OR2H1: variants seen among roughly 807,000 people sequenced by gnomAD.
The protein encoded by OR2H1 is olfactory receptor 2H1.
For synonymous variants in OR2H1, 155 were observed against 155.2 expected (o/e 1.00, Z 0.01); for missense variants, 380 against 367.3 (o/e 1.03, Z -0.28).
chr6:29,458,147 C>T (rs1582657394), intron 1 of OR2H1, among the ~76,000 whole-genome samples: 1 of 152,292 alleles, frequency 6.6e-6, no homozygotes, highest in African/African-American at 2.4e-5. Context: ...AACTCTAGCT[C>T]ATGTGTCTGG....
At chr6:29,457,956 T>C (rs922022915) in intron 1 of OR2H1, among the ~76,000 whole-genome samples, 2 of 152,216 alleles carry the variant, frequency 1.3e-5, no homozygotes, top group Admixed American at 6.5e-5. Flanking sequence ...CTATAGGTTA[T>C]GGGGCACCTA....
In OR2H1 at chr6:29,462,917, A is replaced by C. The variant is rs1787499063; in HGVS notation, c.*197A>C. 1.7e-6 allele frequency: 1 copy of C among 587,414 alleles called. No homozygotes were observed. The highest frequency in any genetic ancestry group is 3.1e-6 in the Non-Finnish European group (1 of 323,902). 36.4% of individuals were successfully genotyped at this position (587,414 alleles called of 1,614,324 possible). ...GTGAGAGGAGATAGGTAGCTCCATA[A>C]GGCACACAAATTCAAATATTATCAT... On this transcript the variant is annotated 3_prime_UTR_variant, in exon 4 of 4. Transcript: ENST00000377133.
chr6:29,461,709 G>C lies in OR2H1; in HGVS notation c.-61G>C. The C allele has an allele frequency of 5.2e-6, 7 of 1,346,968 alleles. No homozygotes were observed. The highest frequency in any genetic ancestry group is 1.9e-5 in the Admixed American group (1 of 53,556). 83.4% of individuals were successfully genotyped at this position (1,346,968 alleles called of 1,614,324 possible). On this transcript the variant is annotated 5_prime_UTR_variant, in exon 4 of 4. Coordinates refer to ENST00000377133, the MANE Select transcript of OR2H1 (RefSeq NM_030883.5). ...AAACACCCAGGCTGAGTTTTGATAA[G>C]ACAGGTTGAATCACACTGGGGTGAC...
chr6:29,461,060 G>C (rs1345269490), intron 3 of OR2H1: 1 of 152,106 alleles, frequency 6.6e-6, no homozygotes, highest in Non-Finnish European at 1.5e-5. Context: ...ATGTTAAGTT[G>C]AGGTTAGGGA....
At chr6:29,461,393 A>G (rs1787227327) in intron 3 of OR2H1, 102 bp from the exon 4 acceptor site, 1 of 227,640 alleles carries the variant, frequency 4.4e-6, no homozygotes, top group African/African-American at 2.3e-5. Flanking sequence ...CAGAACTACC[A>G]CAACATTTAG....
In OR2H1 at chr6:29,461,821, C is replaced by T. The variant is rs774000008; in HGVS notation, c.52C>T (p.His18Tyr). ...CTTCCTCCTTCTGGGCTTCTCTGAA[C>T]ACCCAGCACTGGAAAGGACTCTCTT... ...MGFLLLGFSE[H>Y]PALERTLFVV... is the part of the protein sequence containing the mutation. The change falls in exon 4 of 4, where the codon CAC becomes TAC. Residue 18 changes from histidine to tyrosine, a missense_variant. Transcript: ENST00000377133. 6.2e-6 allele frequency: 10 copies of T among 1,612,960 alleles called. No individual in the cohort carries two copies. The highest frequency in any genetic ancestry group is 2.2e-5 in the South Asian group (2 of 91,082).
rs372457633 is a variant in OR2H1 at position 29,462,575 on chromosome 6, G to A, written c.806G>A (p.Gly269Asp). 1.9e-6 allele frequency: 3 copies of A among 1,613,004 alleles called. No homozygotes were observed. Among genetic ancestry groups the A allele is most frequent in the Non-Finnish European group, 1.7e-6 (2 of 1,180,022 alleles). The change falls in exon 4 of 4, where the codon GGC becomes GAC. Residue 269 changes from glycine to aspartate, a missense_variant. Transcript: ENST00000377133. ...QPKNPYAQGR[G>D]KFFGLFYAVG... ...AAAAATCCGTATGCCCAAGGGAGGGGCAAGTTCTTTGGTCTCTTCTATGCA... is the reference window on the plus strand; with the variant it reads ...AAAAATCCGTATGCCCAAGGGAGGGACAAGTTCTTTGGTCTCTTCTATGCA...
Position 29,460,372 on chromosome 6 carries a change from A to ATTTTTTTTTTTTT in OR2H1, c.-326-17_-326-5dup, listed in dbSNP as rs10651941. On this transcript the variant is annotated intron_variant, in intron 2 of 3. Transcript: ENST00000377133. ...AGACACCCACCACCACACCCCGCTA[A>ATTTTTTTTTTTTT]TTTTTTTTTTTTTTTTTTTTTTTTT... The ATTTTTTTTTTTTT allele has an allele frequency of 2.6e-4, 21 of 81,224 alleles. 1 individual carries two copies. Among genetic ancestry groups the ATTTTTTTTTTTTT allele is most frequent in the African/African-American group, 1.0e-3 (19 of 18,908 alleles). 5.0% of individuals were successfully genotyped at this position (81,224 alleles called of 1,614,324 possible). A position where few individuals can be genotyped will look rare whatever the true frequency, so the allele number is the denominator to read the frequency against.
intron 3 of OR2H1, 35 bp downstream of exon 3, chr6:29,460,489 G>A (rs1787125022): frequency 6.6e-6 from 1 of 150,676 alleles, no homozygotes; most frequent in Non-Finnish European, 1.5e-5. Flanking sequence ...AAAGTGCTGG[G>A]ATTATAGGCG....
chr6:29,461,426 T>C (rs1787230859), intron 3 of OR2H1, 69 bp from the exon 4 acceptor site: 1 of 310,924 alleles, frequency 3.2e-6, no homozygotes, highest in Admixed American at 4.5e-5. Context: ...CCTAACAATT[T>C]ATTGTTGAAT....
In OR2H1 at chr6:29,461,778, C is replaced by T; in HGVS notation, c.9C>T (p.Asn3=). ...ACAAACAAGAACAGGCCATGGTTAACCAAAGCTCCCCCATGGGCTTCCTCC... is the reference window on the plus strand; with the variant it reads ...ACAAACAAGAACAGGCCATGGTTAATCAAAGCTCCCCCATGGGCTTCCTCC... MV[N]QSSPMGFLLL... is the part of the protein sequence containing the mutation. The change falls in exon 4 of 4, where the codon AAC becomes AAT. Residue 3 remains asparagine, a synonymous_variant. Transcript: ENST00000377133. 1.2e-6 allele frequency: 2 copies of T among 1,611,804 alleles called. No homozygotes were observed. The highest frequency in any genetic ancestry group is 1.7e-6 in the Non-Finnish European group (2 of 1,179,260).
At chr6:29,461,211 C>T (rs1428780869) in intron 3 of OR2H1, 3 of 152,852 alleles carry the variant, frequency 2.0e-5, no homozygotes, top group African/African-American at 7.2e-5. Flanking sequence ...TAATTCTACA[C>T]TCTGCCTCTG....
chr6:29,461,449 G>A lies in OR2H1; in HGVS notation c.-275-46G>A, dbSNP rs1406670888. On this transcript the variant is annotated intron_variant, in intron 3 of 3. Coordinates refer to ENST00000377133, the MANE Select transcript of OR2H1 (RefSeq NM_030883.5). ...TTTATTGTTGAATTAATGAAGATCG[G>A]TTAATTAATCCATGTTTTACATCAG... The A allele has an allele frequency of 6.5e-5, 24 of 370,648 alleles. No individual in the cohort carries two copies. In the East Asian group the frequency reaches 9.9e-4, roughly 15 times the overall value. 23.0% of individuals were successfully genotyped at this position (370,648 alleles called of 1,614,324 possible).
Position 29,462,719 on chromosome 6 carries a change from A to G in OR2H1, c.950A>G (p.Ter317=). 6.2e-7 allele frequency: 1 copy of G among 1,601,684 alleles called. No homozygotes were observed. Among genetic ancestry groups the G allele is most frequent in the South Asian group, 1.1e-5 (1 of 89,384 alleles). ...RDSRESWRAA[*] The stretch of plus-strand genomic sequence containing the variant: ...TCCAGGGAAAGCTGGAGAGCTGCTT[A>G]ATATACTTTCGAAAGTAAGAAGAGT... The change falls in exon 4 of 4, where the codon TAA becomes TGA. Residue 317 remains the stop codon, a stop_retained_variant. Coordinates refer to ENST00000377133, the MANE Select transcript of OR2H1 (RefSeq NM_030883.5).
At chr6:29,460,621 T>C (rs955677843) in intron 3 of OR2H1, among the ~76,000 whole-genome samples, 167 bp downstream of exon 3, 1 of 152,078 alleles carries the variant, frequency 6.6e-6, no homozygotes, top group African/African-American at 2.4e-5. Flanking sequence ...GAAGAGGCAT[T>C]ATATATACAA....
chr6:29,462,099 C>T lies in OR2H1; in HGVS notation c.330C>T (p.Cys110=), dbSNP rs775852405. 9 of 1,613,706 alleles carry T rather than the reference C, an allele frequency of 5.6e-6. No individual in the cohort carries two copies. The highest frequency in any genetic ancestry group is 7.6e-6 in the Non-Finnish European group (9 of 1,180,022). The change falls in exon 4 of 4, where the codon TGC becomes TGT. Residue 110 remains cysteine, a synonymous_variant. Coordinates refer to ENST00000377133, the MANE Select transcript of OR2H1 (RefSeq NM_030883.5). ...TCCTGTCCCTGGGGACCACTGAGTG[C>T]ATCCTCCTGACAGTGATGGCCTTTG... ...FIFLSLGTTE[C]ILLTVMAFDR...
intron 2 of OR2H1, chr6:29,459,930 T>C (rs1208143287): frequency 6.6e-6 from 1 of 152,240 alleles, no homozygotes; most frequent in Non-Finnish European, 1.5e-5. Flanking sequence ...GGCGGCGGTG[T>C]TGGGGAGGGT....
At chr6:29,458,734 T>G (rs931855264) in intron 2 of OR2H1, among the ~76,000 whole-genome samples, 165 bp downstream of exon 2, 1 of 152,218 alleles carries the variant, frequency 6.6e-6, no homozygotes, top group African/African-American at 2.4e-5. Context: ...TGCAGAGATA[T>G]TAACTGTCTA....
rs1787629915 is a variant in OR2H1, at chr6:29,463,962, T to A, written c.*1242T>A. 1 of 166,492 alleles carries A rather than the reference T, an allele frequency of 6.0e-6. No homozygotes were observed. Among genetic ancestry groups the A allele is most frequent in the African/African-American group, 2.4e-5 (1 of 41,464 alleles). 10.3% of individuals were successfully genotyped at this position (166,492 alleles called of 1,614,324 possible). A position where few individuals can be genotyped will look rare whatever the true frequency, so the allele number is the denominator to read the frequency against. ...CCAAAGGCCCCATGTTCTAATGCCA[T>A]CATCTTGGTGGTTTAGGATTTCAAC... is the stretch of plus-strand genomic sequence containing the variant. On this transcript the variant is annotated 3_prime_UTR_variant, in exon 4 of 4. Coordinates refer to ENST00000377133, the MANE Select transcript of OR2H1 (RefSeq NM_030883.5).
Sources: gnomAD v4.1 joint callset for allele counts (sites outside exome capture counted in the v4.1 genomes callset) on GRCh38, gnomAD v4.1.1 for gene constraint, MANE v1.5 for transcripts, NCBI Gene and HGNC (gene_info 2026-07-23, HGNC 2026-07-21) for gene names.